FNBP1L: variants seen among roughly 807,000 people sequenced by gnomAD.
FNBP1L encodes formin-binding protein 1-like.
Under a neutral mutation model 91.2 loss-of-function variants are expected in FNBP1L, and 36 were observed. That is an observed-to-expected ratio of 0.39 (90% CI 0.30 to 0.52). The LOEUF (loss-of-function observed/expected upper bound fraction) is 0.52, where lower values mean the gene tolerates loss of function less well. Among genes scored for constraint, FNBP1L ranks in the 20% least tolerant of loss-of-function variants. FNBP1L has a pLI of 0.66. For synonymous variants in FNBP1L, 242 were observed against 237.0 expected (o/e 1.02, Z -0.19); for missense variants, 571 against 732.1 (o/e 0.78, Z 2.54).
At chr1:93,522,425 C>G (rs1336973984) in intron 3 of FNBP1L, among the ~76,000 whole-genome samples, 1 of 152,134 alleles carries the variant, frequency 6.6e-6, no homozygotes, top group Non-Finnish European at 1.5e-5. Context: ...ATTTTTCATA[C>G]TTGGTTGTGT....
At chr1:93,507,838 G>A (rs1028561563) in intron 2 of FNBP1L, among the ~76,000 whole-genome samples, 39 of 151,874 alleles carry the variant, frequency 2.6e-4, no homozygotes, top group African/African-American at 8.4e-4. Context: ...TAGTAGAGAC[G>A]GAGTTTTGCC....
At chr1:93,457,716 TA>T (rs1217675469) in intron 1 of FNBP1L, among the ~76,000 whole-genome samples, 1 of 151,934 alleles carries the variant, frequency 6.6e-6, no homozygotes, top group Admixed American at 6.6e-5. Flanking sequence ...CCAGATAACT[TA>T]GCCCACCATT....
At chr1:93,497,155 G>A (rs1670292211) in intron 1 of FNBP1L, among the ~76,000 whole-genome samples, 1 of 151,648 alleles carries the variant, frequency 6.6e-6, no homozygotes, top group South Asian at 2.1e-4. Flanking sequence ...GTACAGACGG[G>A]GTTTCACCGT....
Position 93,448,269 on chromosome 1 carries a change from A to AGGCC in FNBP1L, c.-12_-11insGCCG. On this transcript the variant is annotated 5_prime_UTR_variant, in exon 1 of 17. Transcript: ENST00000271234. The stretch of plus-strand genomic sequence containing the variant: ...AGGACAGCGGCACCGCCAGACGGCC[A>AGGCC]GAAAGTTCCGCCATGAGCTGGGGCA... 6.6e-7 allele frequency: 1 copy of AGGCC among 1,520,018 alleles called. No individual in the cohort carries two copies. The highest frequency in any genetic ancestry group is 8.8e-7 in the Non-Finnish European group (1 of 1,133,608). The allele number at this position is 1,520,018 out of a possible 1,614,324, so 94.2% of individuals were successfully genotyped here.
chr1:93,516,271 C>G (rs1570833149), intron 2 of FNBP1L, among the ~76,000 whole-genome samples: 1 of 152,102 alleles, frequency 6.6e-6, no homozygotes, highest in Non-Finnish European at 1.5e-5. Context: ...GAGAAAACAT[C>G]CTGGAAGGGG....
Position 93,508,212 on chromosome 1 carries a change from C to T in FNBP1L, c.140+8629C>T, listed in dbSNP as rs138236143. 1.9e-3 allele frequency among the ~76,000 whole-genome samples: 294 copies of T among 151,788 alleles called. 3 individuals carry two copies. The highest frequency in any genetic ancestry group is 6.8e-3 in the African/African-American group (280 of 41,396). Reference sequence around the variant, plus strand: ...AAAAGACAAAAAAATTAGCCAGGCACGGTGACATGTGCCTGCAGTCCCAGC... The same window carrying T: ...AAAAGACAAAAAAATTAGCCAGGCATGGTGACATGTGCCTGCAGTCCCAGC... On this transcript the variant is annotated intron_variant, in intron 2 of 16. Coordinates refer to ENST00000271234, the MANE Select transcript of FNBP1L (RefSeq NM_001164473.3).
At chr1:93,498,569 T>A (rs1670341714) in intron 1 of FNBP1L, among the ~76,000 whole-genome samples, 1 of 152,172 alleles carries the variant, frequency 6.6e-6, no homozygotes, top group South Asian at 2.1e-4. Flanking sequence ...CACAAGTGAT[T>A]TTAAAACAAC....
intron 1 of FNBP1L, among the ~76,000 whole-genome samples, chr1:93,459,461 T>C (rs889445808): frequency 2.0e-5 from 3 of 152,220 alleles, no homozygotes; most frequent in South Asian, 4.1e-4. Flanking sequence ...TTGGCCAACA[T>C]GTATATGAAA....
chr1:93,554,533 A>G lies in FNBP1L; in HGVS notation c.*2117A>G, dbSNP rs1249030767. On this transcript the variant is annotated 3_prime_UTR_variant, in exon 17 of 17. Transcript: ENST00000271234. The stretch of plus-strand genomic sequence containing the variant: ...ATGTGAATTGTCCCAAAAAATCTTT[A>G]ATTTTTTGGTAATTTTTACTCTTTT... 6.6e-6 allele frequency: 1 copy of G among 152,590 alleles called. No homozygotes were observed. The highest frequency in any genetic ancestry group is 1.5e-5 in the Non-Finnish European group (1 of 68,014). The allele number at this position is 152,590 out of a possible 1,614,324, so 9.5% of individuals were successfully genotyped here.
chr1:93,474,688 G>A (rs530044191), intron 1 of FNBP1L, among the ~76,000 whole-genome samples: 1 of 152,274 alleles, frequency 6.6e-6, no homozygotes, highest in Admixed American at 6.5e-5. Context: ...ATTTCTTAGA[G>A]TTAGAGAGAG....
chr1:93,462,374 CTAT>C (rs1191289032), intron 1 of FNBP1L, among the ~76,000 whole-genome samples: 3 of 152,028 alleles, frequency 2.0e-5, no homozygotes, highest in Non-Finnish European at 4.4e-5. Context: ...CCAGTTTCTC[CTAT>C]TATTAACATC....
chr1:93,482,056 G>A (rs1218536099), intron 1 of FNBP1L, among the ~76,000 whole-genome samples: 4 of 151,998 alleles, frequency 2.6e-5, no homozygotes, highest in Non-Finnish European at 5.9e-5. Context: ...GCTACTCGGG[G>A]GGCTGAGGTG....
chr1:93,511,762 C>G (rs937763730), intron 2 of FNBP1L, among the ~76,000 whole-genome samples: 4 of 151,760 alleles, frequency 2.6e-5, no homozygotes, highest in Non-Finnish European at 5.9e-5. Flanking sequence ...GTCAGGAGAT[C>G]GAGACCATCC....
chr1:93,504,432 C>A (rs935195101), intron 2 of FNBP1L, among the ~76,000 whole-genome samples: 2 of 152,190 alleles, frequency 1.3e-5, no homozygotes, highest in African/African-American at 4.8e-5. Context: ...CCTCCCCAGC[C>A]ATGTGGAACT....
At chr1:93,519,636 A>G (rs1418739276) in intron 2 of FNBP1L, among the ~76,000 whole-genome samples, 3 of 152,230 alleles carry the variant, frequency 2.0e-5, no homozygotes, top group African/African-American at 7.2e-5. Flanking sequence ...GTATTAGTGT[A>G]GTGACATATT....
intron 1 of FNBP1L, among the ~76,000 whole-genome samples, chr1:93,456,824 G>A (rs1668685046): frequency 6.6e-6 from 1 of 151,942 alleles, no homozygotes; most frequent in Non-Finnish European, 1.5e-5. Context: ...TACAGGGGAT[G>A]ACAAGCCACT....
chr1:93,530,309 A>G (rs1390629079), intron 6 of FNBP1L, among the ~76,000 whole-genome samples: 1 of 152,158 alleles, frequency 6.6e-6, no homozygotes, highest in Non-Finnish European at 1.5e-5. Flanking sequence ...TCCATATTTT[A>G]GTTGGATATA....
At chr1:93,472,802 A>G (rs1389034776) in intron 1 of FNBP1L, among the ~76,000 whole-genome samples, 1 of 115,094 alleles carries the variant, frequency 8.7e-6, no homozygotes, top group South Asian at 3.6e-4. Flanking sequence ...ACAGAGCAAG[A>G]CTCCATCTCA....
At chr1:93,541,319 T>C (rs1431253931) in intron 11 of FNBP1L, among the ~76,000 whole-genome samples, 4 of 152,308 alleles carry the variant, frequency 2.6e-5, no homozygotes, top group African/African-American at 9.6e-5. Context: ...CGTAAAATTG[T>C]GGTTAAACAT....
Sources: gnomAD v4.1 joint callset for allele counts (sites outside exome capture counted in the v4.1 genomes callset) on GRCh38, gnomAD v4.1.1 for gene constraint, MANE v1.5 for transcripts, NCBI Gene and HGNC (gene_info 2026-07-23, HGNC 2026-07-21) for gene names.